The following HS1BP3 variants were observed in gnomAD, a reference collection of about 807,000 sequenced individuals.
HS1BP3 encodes HCLS1 binding protein 3, also known as HCLS1-binding protein 3.
HS1BP3 carries 32 observed loss-of-function variants against 33.5 expected under a neutral mutation model. The ratio of observed to expected loss-of-function variants is 0.95; its 90% CI spans 0.72 to 1.28. HS1BP3 has a LOEUF of 1.28. Among genes scored for constraint, HS1BP3 ranks in the 50% most tolerant of loss-of-function variants. HS1BP3 has a pLI of 0.00. For synonymous variants in HS1BP3, 187 were observed against 209.2 expected, an observed-to-expected ratio of 0.89 and a Z score of 0.92; for missense variants, 486 against 502.3, an observed-to-expected ratio of 0.97 and a Z score of 0.31.
Position 20,623,684 on chromosome 2 carries a change from G to T in HS1BP3, c.920+212C>A, listed in dbSNP as rs1694675249. ...GTGCACACAAAGTTCTCTCTTTCTG[G>T]AACTAGCTGAGCAGCCCTGGGCTGC... On this transcript the variant is annotated intron_variant, in intron 6 of 6. Coordinates refer to ENST00000304031, the MANE Select transcript of HS1BP3 (RefSeq NM_022460.4). 6 of 462,048 alleles carry T rather than the reference G, an allele frequency of 1.3e-5. No individual in the cohort carries two copies. In the South Asian group the frequency reaches 3.1e-4, roughly 24 times the overall value. The allele number at this position is 462,048 out of a possible 1,614,324, so 28.6% of individuals were successfully genotyped here.
chr2:20,554,662 C>A, the HS1BP3 span, among the ~76,000 whole-genome samples: 1 of 142,174 alleles, frequency 7.0e-6, no homozygotes, highest in Non-Finnish European at 1.5e-5. Context: ...GCGGAGGTTG[C>A]AATTGCACTC....
At chr2:20,628,023 G>A (rs1694842549) in intron 4 of HS1BP3, among the ~76,000 whole-genome samples, 1 of 152,148 alleles carries the variant, frequency 6.6e-6, no homozygotes, top group South Asian at 2.1e-4. Context: ...GGCAGGGAGG[G>A]AAGAGGGATA....
At chr2:20,619,337 G>A (rs527992716) in intron 6 of HS1BP3, 92 bp from the exon 7 acceptor site, 121 of 1,177,058 alleles carry the variant, frequency 1.0e-4, no homozygotes, top group Non-Finnish European at 1.4e-4. Flanking sequence ...ACACGGGGCT[G>A]GGCAGCGGCA....
intron 4 of HS1BP3, among the ~76,000 whole-genome samples, chr2:20,626,546 T>C (rs1456558323): frequency 1.3e-5 from 2 of 152,162 alleles, no homozygotes; most frequent in Non-Finnish European, 2.9e-5. Context: ...GAAGGTGATA[T>C]AGGATGGCGC....
At chr2:20,622,952 GTAC>G (rs1694652831) in intron 6 of HS1BP3, 1 of 153,784 alleles carries the variant, frequency 6.5e-6, no homozygotes, top group South Asian at 2.0e-4. Context: ...CTAATGAGGG[GTAC>G]AGATGACAGC....
downstream of HS1BP3, among the ~76,000 whole-genome samples, chr2:20,617,358 A>G (rs1694451510): frequency 6.6e-6 from 1 of 152,156 alleles, no homozygotes; most frequent in African/African-American, 2.4e-5. Flanking sequence ...GCTGTCCCAG[A>G]GCTGGCTCAG....
At position 20,641,102 on chromosome 2, in the gene HS1BP3, G is replaced by C. The variant is rs763011016; in HGVS notation, c.277C>G (p.Leu93Val). 2.5e-6 allele frequency: 4 copies of C among 1,613,778 alleles called. No individual in the cohort carries two copies. In the Admixed American group the frequency reaches 6.7e-5, roughly 27 times the overall value. Residue 93 changes from leucine (L) to valine (V), a missense_variant, in exon 3 of 7, where the codon CTA (leucine) becomes GTA (valine). Leu to Val is a conservative substitution (Grantham distance 32). Transcript: ENST00000304031. ...SRYAAASLPP[L>V]PRKVLFVGES... is the part of the protein sequence containing the mutation. The stretch of plus-strand genomic sequence containing the variant: ...CCAACAAACAGGACCTTCCTGGGTA[G>C]TGGGGGGAGGCTGGCTGCTGCATAA...
At chr2:20,619,344 G>T (rs758416167) in intron 6 of HS1BP3, 99 bp from the exon 7 acceptor site, 1 of 1,092,164 alleles carries the variant, frequency 9.2e-7, no homozygotes, top group Non-Finnish European at 1.3e-6. Flanking sequence ...GCTGGGCAGC[G>T]GCAGGGAGCC....
chr2:20,625,062 G>A (rs1358217074), intron 4 of HS1BP3, among the ~76,000 whole-genome samples, 170 bp from the exon 5 acceptor site: 2 of 152,250 alleles, frequency 1.3e-5, no homozygotes. Context: ...ACCCAGAGCA[G>A]TCCAGGCAGG....
chr2:20,559,894 A>T (rs1304499429), downstream of HS1BP3, among the ~76,000 whole-genome samples: 1 of 152,162 alleles, frequency 6.6e-6, no homozygotes, highest in African/African-American at 2.4e-5. Context: ...TGCGATTTTT[A>T]TGCTGTGAAT....
downstream of HS1BP3, among the ~76,000 whole-genome samples, chr2:20,589,952 T>G (rs946083577): frequency 6.6e-5 from 10 of 152,138 alleles, no homozygotes; most frequent in Non-Finnish European, 1.3e-4. Context: ...CCTGGACCAA[T>G]GGGTCCCAGC....
chr2:20,556,283 A>G (rs555366319), downstream of HS1BP3, among the ~76,000 whole-genome samples: 4 of 152,202 alleles, frequency 2.6e-5, no homozygotes, highest in African/African-American at 9.6e-5. Context: ...TAGCTCTTTT[A>G]GTTATCCTTA....
At chr2:20,622,483 C>T (rs540510990) in intron 6 of HS1BP3, 47 of 407,702 alleles carry the variant, frequency 1.2e-4, no homozygotes, top group African/African-American at 7.7e-4. Flanking sequence ...TGAATGAGAA[C>T]GTGAAGTGCC....
At chr2:20,563,611 C>T (rs1302331227) in intron 5 of HS1BP3, among the ~76,000 whole-genome samples, 4 of 152,126 alleles carry the variant, frequency 2.6e-5, no homozygotes, top group Admixed American at 6.5e-5. Context: ...GCAGGGAAGA[C>T]GAGGAATGGT....
intron 5 of HS1BP3, among the ~76,000 whole-genome samples, chr2:20,570,399 T>C (rs1421453803): frequency 6.6e-6 from 1 of 152,210 alleles, no homozygotes; most frequent in Non-Finnish European, 1.5e-5. Flanking sequence ...AAATGCTCCC[T>C]GGGCACCTGC....
chr2:20,642,595 C>A (rs10200906), intron 2 of HS1BP3, among the ~76,000 whole-genome samples: 151,642 of 152,294 alleles, frequency 1, 75,497 homozygotes, highest in Non-Finnish European at 1. Context: ...CGACTGCTCC[C>A]CTCAGGCTCA....
At chr2:20,586,778 C>G (rs1227924825) in intron 5 of HS1BP3, 9 of 152,160 alleles carry the variant, frequency 5.9e-5, no homozygotes, top group Non-Finnish European at 1.0e-4. Context: ...GTTAGGAAAA[C>G]AGGCAAAGAA....
intron 5 of HS1BP3, among the ~76,000 whole-genome samples, chr2:20,571,108 A>G (rs1693259730): frequency 1.3e-5 from 2 of 152,202 alleles, no homozygotes; most frequent in Non-Finnish European, 2.9e-5. Flanking sequence ...GACATAGACC[A>G]GGCCTTGAGG....
chr2:20,555,915 C>T (rs1187154074), downstream of HS1BP3, among the ~76,000 whole-genome samples: 3 of 152,210 alleles, frequency 2.0e-5, no homozygotes, highest in Non-Finnish European at 2.9e-5. Flanking sequence ...TACCTGACCA[C>T]CCATCCAGAC....
Sources: allele counts gnomAD v4.1 joint callset (sites outside exome capture counted in the v4.1 genomes callset), GRCh38; gene constraint gnomAD v4.1.1; transcripts MANE v1.5; gene names NCBI Gene and HGNC (gene_info 2026-07-23, HGNC 2026-07-21).